Variants in DAW1 observed in about 807,000 individuals in gnomAD.
The protein encoded by DAW1 is dynein assembly factor with WD repeats 1.
Under a neutral mutation model 56.5 loss-of-function variants are expected in DAW1, and 47 were observed. The observed-to-expected ratio is 0.83, with a 90% CI of 0.66 to 1.06. The LOEUF (loss-of-function observed/expected upper bound fraction) is 1.06, where lower values mean the gene tolerates loss of function less well. Ranked by LOEUF, DAW1 falls within the 50% of genes least tolerant of loss-of-function variation. The pLI is 0.00. For missense variants in DAW1, 505 were observed against 499.3 expected, an observed-to-expected ratio of 1.01 and a Z score of -0.11; for synonymous variants, 190 against 179.0, an observed-to-expected ratio of 1.06 and a Z score of -0.49.
Position 227,890,006 on chromosome 2 carries a change from G to T in DAW1, c.258+6G>T. ...ACACGTTCTATCTTTTTAAGGTAAT[G>T]GATTTAAAAACAATCAGATAGAAGA... On this transcript the variant is annotated splice_donor_region_variant and intron_variant, in intron 3 of 12. Transcript: ENST00000309931. 6.5e-7 allele frequency: 1 copy of T among 1,540,772 alleles called. No individual in the cohort carries two copies. The highest frequency in any genetic ancestry group is 8.7e-7 in the Non-Finnish European group (1 of 1,147,924).
chr2:227,896,976 C>T (rs1691425940), intron 5 of DAW1, among the ~76,000 whole-genome samples: 5 of 151,114 alleles, frequency 3.3e-5, no homozygotes, highest in Admixed American at 2.6e-4. Context: ...GTCCCAGCTA[C>T]TTGGGAGGCT....
At chr2:227,890,314 G>C (rs1370748019) in intron 3 of DAW1, among the ~76,000 whole-genome samples, 1 of 152,028 alleles carries the variant, frequency 6.6e-6, no homozygotes, top group Non-Finnish European at 1.5e-5. Flanking sequence ...TTAAAGTAAC[G>C]TTAAGAAGTT....
At position 227,917,526 on chromosome 2, in the gene DAW1, C is replaced by T. The variant is rs571446507; in HGVS notation, c.974-1254C>T. Reference sequence around the variant, plus strand: ...CCTCCCGCCTCGGCCTCCCAAAGTGCTGGGATTACAGGCATGAGCCACTGC... The same window carrying T: ...CCTCCCGCCTCGGCCTCCCAAAGTGTTGGGATTACAGGCATGAGCCACTGC... On this transcript the variant is annotated intron_variant, in intron 10 of 12. Coordinates refer to ENST00000309931, the MANE Select transcript of DAW1 (RefSeq NM_178821.3). Among the ~76,000 whole-genome samples, 9 of 152,196 alleles carry T rather than the reference C, an allele frequency of 5.9e-5. No homozygotes were observed. The South Asian group carries it at 1.2e-3, about 21-fold the overall frequency.
At chr2:227,873,312 A>G (rs1690800948) in intron 1 of DAW1, among the ~76,000 whole-genome samples, 1 of 152,192 alleles carries the variant, frequency 6.6e-6, no homozygotes, top group African/African-American at 2.4e-5. Flanking sequence ...TTTTGTTTCA[A>G]ATGTCTGCCC....
chr2:227,889,135 T>C (rs1691199239), intron 2 of DAW1, among the ~76,000 whole-genome samples: 1 of 152,210 alleles, frequency 6.6e-6, no homozygotes. Context: ...ATTCAATACA[T>C]GTTCATTCAA....
At chr2:227,889,686 T>G (rs1691211878) in intron 2 of DAW1, 170 bp from the exon 3 acceptor site, 2 of 472,322 alleles carry the variant, frequency 4.2e-6, no homozygotes, top group Non-Finnish European at 7.4e-6. Context: ...ATTTACTGAT[T>G]TGTATGATCC....
At chr2:227,889,265 GT>G (rs1691202412) in intron 2 of DAW1, among the ~76,000 whole-genome samples, 1 of 152,162 alleles carries the variant, frequency 6.6e-6, no homozygotes, top group South Asian at 2.1e-4. Flanking sequence ...AGGGTTATTT[GT>G]TTCTCGTAGT....
At chr2:227,886,093 A>C (rs1715839) in intron 2 of DAW1, among the ~76,000 whole-genome samples, 28,313 of 150,494 alleles carry the variant, frequency 0.19, 2,849 homozygotes, top group Middle Eastern at 0.29. Context: ...TCTGTGCCCA[A>C]CCAGTGACCT....
chr2:227,875,948 T>C (rs1430101079), intron 1 of DAW1, among the ~76,000 whole-genome samples: 1 of 152,150 alleles, frequency 6.6e-6, no homozygotes, highest in African/African-American at 2.4e-5. Flanking sequence ...TGCCTCAAAC[T>C]CTTCCTGAAG....
At chr2:227,885,719 C>T (rs1467490497) in intron 2 of DAW1, among the ~76,000 whole-genome samples, 1 of 152,072 alleles carries the variant, frequency 6.6e-6, no homozygotes, top group East Asian at 1.9e-4. Context: ...CACCCCGATT[C>T]CCCTGATGTT....
intron 5 of DAW1, among the ~76,000 whole-genome samples, chr2:227,896,593 A>AGTGTGTGTGTGTGTGTGTGT (rs5839240): frequency 7.0e-6 from 1 of 143,564 alleles, no homozygotes. Context: ...AATAAGAGGG[A>AGTGTGTGTGTGTGTGTGTGT]GTGTGTGTGT....
At chr2:227,890,140 A>C (rs1038604071) in intron 3 of DAW1, 140 bp downstream of exon 3, 1 of 804,466 alleles carries the variant, frequency 1.2e-6, no homozygotes, top group Non-Finnish European at 1.8e-6. Context: ...ATGTTTGCTA[A>C]GATTGTCCCA....
intron 9 of DAW1, 39 bp downstream of exon 9, chr2:227,906,377 T>C (rs753006283): frequency 2.1e-6 from 3 of 1,401,218 alleles, no homozygotes; most frequent in Non-Finnish European, 2.0e-6. Context: ...TTATATTGTG[T>C]CTATACTCTT....
intron 6 of DAW1, among the ~76,000 whole-genome samples, chr2:227,898,583 G>A (rs946065249): frequency 2.6e-5 from 4 of 152,148 alleles, no homozygotes; most frequent in African/African-American, 9.7e-5. Context: ...GCCTCCCAAA[G>A]TGCTGGGATT....
At chr2:227,888,636 A>T (rs1691185224) in intron 2 of DAW1, among the ~76,000 whole-genome samples, 1 of 152,230 alleles carries the variant, frequency 6.6e-6, no homozygotes, top group Admixed American at 6.5e-5. Context: ...AGAAGCTGTC[A>T]GGCAACAAAG....
chr2:227,893,538 G>A (rs970609498), intron 4 of DAW1, among the ~76,000 whole-genome samples: 1 of 151,980 alleles, frequency 6.6e-6, no homozygotes, highest in African/African-American at 2.4e-5. Flanking sequence ...CAGGCGTGGT[G>A]GTGGGTGCCT....
At chr2:227,918,237 T>C (rs1247271141) in intron 10 of DAW1, among the ~76,000 whole-genome samples, 1 of 132,918 alleles carries the variant, frequency 7.5e-6, no homozygotes, top group Non-Finnish European at 1.7e-5. Flanking sequence ...CAGCTATTTA[T>C]TGAATGGCTA....
intron 1 of DAW1, among the ~76,000 whole-genome samples, chr2:227,881,078 T>G (rs1013579568): frequency 6.6e-6 from 1 of 152,150 alleles, no homozygotes; most frequent in Non-Finnish European, 1.5e-5. Flanking sequence ...AGAAGAGATT[T>G]TATAAAAAGC....
intron 1 of DAW1, among the ~76,000 whole-genome samples, chr2:227,879,888 A>G (rs1690970034): frequency 6.6e-6 from 1 of 152,162 alleles, no homozygotes; most frequent in African/African-American, 2.4e-5. Flanking sequence ...ATGTTGATGC[A>G]TAGATGATTT....
Sources: allele counts gnomAD v4.1 joint callset (sites outside exome capture counted in the v4.1 genomes callset), GRCh38; gene constraint gnomAD v4.1.1; transcripts MANE v1.5; gene names NCBI Gene and HGNC (gene_info 2026-07-23, HGNC 2026-07-21).